The following FAM227B variants were observed in gnomAD, a reference collection of about 807,000 sequenced individuals.
FAM227B encodes the protein protein FAM227B.
Under a neutral mutation model 73.8 loss-of-function variants are expected in FAM227B, and 88 were observed. That is an observed-to-expected ratio of 1.19 (90% CI 1.00 to 1.42). The LOEUF (loss-of-function observed/expected upper bound fraction) is 1.42. Among genes scored for constraint, FAM227B ranks in the 40% most tolerant of loss-of-function variants. The probability of loss-of-function intolerance (pLI) is 0.00; values close to 1 mark genes in which losing one functional copy is unlikely to be tolerated. For missense variants in FAM227B, 632 were observed against 590.9 expected (o/e 1.07, Z -0.72); for synonymous variants, 210 against 190.5 (o/e 1.10, Z -0.84).
At chr15:49,603,411 T>A (rs906499467) in intron 3 of FAM227B, among the ~76,000 whole-genome samples, 2 of 152,184 alleles carry the variant, frequency 1.3e-5, no homozygotes, top group African/African-American at 2.4e-5. Flanking sequence ...TACATGGGAT[T>A]ACTTTTTAAT....
rs1026701300 is a variant in FAM227B, at chr15:49,399,115, GAA to G, written c.1013-27718_1013-27717del. ...ATAGACCGCTAGCAAGACTAATAAA[GAA>G]AAAAAGAGAGAAGAATCAAGTAGAC... On this transcript the variant is annotated intron_variant, in intron 11 of 15. Coordinates refer to ENST00000299338, the MANE Select transcript of FAM227B (RefSeq NM_152647.3). 2.7e-3 allele frequency among the ~76,000 whole-genome samples: 392 copies of G among 146,324 alleles called. 3 individuals are homozygous for G. Among genetic ancestry groups the G allele is most frequent in the African/African-American group, 9.7e-3 (382 of 39,542 alleles).
chr15:49,366,544 G>A, intron 13 of FAM227B: 1 of 1,568,094 alleles, frequency 6.4e-7, no homozygotes, highest in Non-Finnish European at 8.8e-7. Flanking sequence ...CTGACCAATG[G>A]GGGTTATAAA....
chr15:49,343,136 T>G (rs1365798207), intron 13 of FAM227B, among the ~76,000 whole-genome samples: 3 of 152,152 alleles, frequency 2.0e-5, no homozygotes, highest in Non-Finnish European at 4.4e-5. Context: ...GTTGTATACT[T>G]TTTCTCCTCT....
chr15:49,452,705 C>T (rs1377989183), intron 11 of FAM227B, among the ~76,000 whole-genome samples: 1 of 152,112 alleles, frequency 6.6e-6, no homozygotes, highest in Admixed American at 6.6e-5. Flanking sequence ...GTCAGTCTCT[C>T]TGAATCTTGG....
intron 11 of FAM227B, among the ~76,000 whole-genome samples, chr15:49,438,354 A>G (rs1385167932): frequency 6.6e-6 from 1 of 151,802 alleles, no homozygotes; most frequent in African/African-American, 2.4e-5. Context: ...TCCTCTTACC[A>G]GAACTACCCA....
At chr15:49,377,562 G>A (rs1183032751) in intron 11 of FAM227B, among the ~76,000 whole-genome samples, 2 of 151,980 alleles carry the variant, frequency 1.3e-5, no homozygotes, top group African/African-American at 4.8e-5. Context: ...TTCAAGTGGG[G>A]TGAGATGGTA....
intron 3 of FAM227B, among the ~76,000 whole-genome samples, chr15:49,590,919 G>A (rs1185472301): frequency 6.6e-6 from 1 of 150,850 alleles, no homozygotes; most frequent in Non-Finnish European, 1.5e-5. Context: ...TGCCACAGTT[G>A]CCTTTTTGTG....
intron 11 of FAM227B, chr15:49,424,526 C>T: frequency 6.2e-7 from 1 of 1,608,954 alleles, no homozygotes. Flanking sequence ...ACAGTGGTAC[C>T]TGAGGATCGA....
At chr15:49,403,425 C>T (rs542257895) in intron 11 of FAM227B, among the ~76,000 whole-genome samples, 8 of 152,130 alleles carry the variant, frequency 5.3e-5, no homozygotes, top group African/African-American at 1.7e-4. Flanking sequence ...TATTTATTAT[C>T]GCCTTAATTT....
chr15:49,533,865 T>C (rs1310791138), intron 10 of FAM227B, among the ~76,000 whole-genome samples: 1 of 151,874 alleles, frequency 6.6e-6, no homozygotes, highest in Non-Finnish European at 1.5e-5. Context: ...TCCATTTAAA[T>C]TCAATGTAAT....
intron 3 of FAM227B, among the ~76,000 whole-genome samples, chr15:49,597,115 A>C (rs1160472012): frequency 6.6e-6 from 1 of 152,048 alleles, no homozygotes; most frequent in Non-Finnish European, 1.5e-5. Flanking sequence ...ACCCTACAAC[A>C]AATGGACTTA....
At chr15:49,329,034 T>A (rs2038077343) in intron 15 of FAM227B, 1 of 1,006,108 alleles carries the variant, frequency 9.9e-7, no homozygotes, top group Non-Finnish European at 1.2e-6. Context: ...TTCTACTACT[T>A]TTTCTCAAAT....
intron 13 of FAM227B, among the ~76,000 whole-genome samples, chr15:49,337,953 C>T (rs972402354): frequency 2.6e-5 from 4 of 152,226 alleles, no homozygotes; most frequent in Admixed American, 6.5e-5. Context: ...TGAACACTGC[C>T]GCAATAAACA....
intron 11 of FAM227B, among the ~76,000 whole-genome samples, chr15:49,439,896 C>G (rs1229828137): frequency 6.6e-6 from 1 of 151,656 alleles, no homozygotes; most frequent in African/African-American, 2.4e-5. Context: ...TCATAGAGTC[C>G]AGAGATTTTG....
At chr15:49,503,954 C>A (rs1785238930) in intron 11 of FAM227B, among the ~76,000 whole-genome samples, 1 of 152,038 alleles carries the variant, frequency 6.6e-6, no homozygotes, top group South Asian at 2.1e-4. Context: ...ATAAATCATG[C>A]TGCTATAAAG....
intron 11 of FAM227B, among the ~76,000 whole-genome samples, chr15:49,498,642 TAC>T (rs1239014539): frequency 1.3e-5 from 2 of 152,140 alleles, no homozygotes; most frequent in African/African-American, 4.8e-5. Flanking sequence ...AAATATATAA[TAC>T]ACTTTCAAGC....
At chr15:49,365,761 T>A in intron 13 of FAM227B, 1 of 859,690 alleles carries the variant, frequency 1.2e-6, no homozygotes, top group Non-Finnish European at 2.0e-6. Context: ...CCTGTCTTCA[T>A]TTTGAAACAC....
At chr15:49,339,090 G>A (rs1936302489) in intron 13 of FAM227B, among the ~76,000 whole-genome samples, 2 of 152,090 alleles carry the variant, frequency 1.3e-5, no homozygotes, top group South Asian at 2.1e-4. Flanking sequence ...CCTTTAGCTC[G>A]CAGGAGTTTG....
chr15:49,492,517 CAT>C (rs2057208042), intron 11 of FAM227B, among the ~76,000 whole-genome samples: 2 of 151,920 alleles, frequency 1.3e-5, no homozygotes, highest in Admixed American at 6.6e-5. Flanking sequence ...ATTTATTGTA[CAT>C]GTCACTCAAC....
Sources: gnomAD v4.1 joint callset for allele counts (sites outside exome capture counted in the v4.1 genomes callset) on GRCh38, gnomAD v4.1.1 for gene constraint, MANE v1.5 for transcripts, NCBI Gene and HGNC (gene_info 2026-07-23, HGNC 2026-07-21) for gene names.